Variants in PPP1CB observed in about 807,000 individuals in gnomAD.
PPP1CB encodes protein phosphatase 1 catalytic subunit beta, also known as serine/threonine-protein phosphatase PP1-beta catalytic subunit.
A neutral mutation model predicts 43.7 loss-of-function variants in PPP1CB; 2 were observed. The ratio of observed to expected loss-of-function variants is 0.05; its 90% CI spans 0.02 to 0.14. The LOEUF is 0.14. Among genes scored for constraint, PPP1CB ranks in the 10% least tolerant of loss-of-function variants. PPP1CB has a pLI of 1.00. For missense variants in PPP1CB, 84 were observed against 398.0 expected (o/e 0.21, Z 6.71); for synonymous variants, 136 against 135.6 (o/e 1.00, Z -0.02).
intron 1 of PPP1CB, among the ~76,000 whole-genome samples, chr2:28,761,077 T>G (rs531263829): frequency 6.6e-6 from 1 of 152,280 alleles, no homozygotes; most frequent in Admixed American, 6.5e-5. Context: ...ATTTTCTGTA[T>G]TTTTAGTAGT....
chr2:28,774,004 A>C lies in PPP1CB; in HGVS notation c.53-2847A>C, dbSNP rs190427980. ...GTTAAGGGAGAAATGTGCATCCTAC[A>C]GTTAGTGAAAATATAAAAAGTTTCT... On this transcript the variant is annotated intron_variant, in intron 1 of 7. Transcript: ENST00000395366. Among the ~76,000 whole-genome samples the C allele has an allele frequency of 4.6e-5, 7 of 152,314 alleles. No individual in the cohort carries two copies. The East Asian group carries it at 1.3e-3, about 29-fold the overall frequency.
intron 1 of PPP1CB, among the ~76,000 whole-genome samples, chr2:28,756,812 A>G (rs1188532377): frequency 1.3e-5 from 2 of 152,234 alleles, no homozygotes; most frequent in South Asian, 2.1e-4. Context: ...GAAGGTTAAA[A>G]AAAATGAATG....
Position 28,800,907 on chromosome 2 carries a change from G to T in PPP1CB, c.*1604G>T, listed in dbSNP as rs1285195138. On this transcript the variant is annotated 3_prime_UTR_variant, in exon 8 of 8. Transcript: ENST00000395366. ...GAATTGGCACATTGTATTACTTACT[G>T]CAAGAGATATTTCATTTTCAGCACA... The T allele has an allele frequency of 6.6e-6, 1 of 152,510 alleles. No individual in the cohort carries two copies. Among genetic ancestry groups the T allele is most frequent in the Non-Finnish European group, 1.5e-5 (1 of 67,970 alleles). The allele number at this position is 152,510 out of a possible 1,614,324, so 9.4% of individuals were successfully genotyped here.
chr2:28,801,916 C>CA lies in PPP1CB; in HGVS notation c.*2616dup, dbSNP rs945924941. On this transcript the variant is annotated 3_prime_UTR_variant, in exon 8 of 8. Transcript: ENST00000395366. Reference sequence around the variant, plus strand: ...GCATTGCTTTAATTTTGCCCAGGGACAAATTTTAATAATCAGCAAGACTGG... The same window carrying CA: ...GCATTGCTTTAATTTTGCCCAGGGACAAAATTTTAATAATCAGCAAGACTGG... 30 of 152,248 alleles carry CA rather than the reference C, an allele frequency of 2.0e-4. No homozygotes were observed. Among genetic ancestry groups the CA allele is most frequent in the African/African-American group, 7.0e-4 (29 of 41,568 alleles). The allele number at this position is 152,248 out of a possible 1,614,324, so 9.4% of individuals were successfully genotyped here.
intron 3 of PPP1CB, among the ~76,000 whole-genome samples, chr2:28,780,984 T>A (rs1667148777): frequency 6.6e-6 from 1 of 152,170 alleles, no homozygotes; most frequent in Non-Finnish European, 1.5e-5. Context: ...AATCAATGCA[T>A]TAGTGTTAAA....
rs761858209 is a variant in PPP1CB at position 28,781,988 on chromosome 2, CTT to C, written c.520+149_520+150del. On this transcript the variant is annotated intron_variant, in intron 4 of 7. Coordinates refer to ENST00000395366, the MANE Select transcript of PPP1CB (RefSeq NM_002709.3). ...AACTGTTTTAAACATGGCTAAACCT[CTT>C]TTAAAAATTAGAAATTTATTTATAA... 20 of 667,260 alleles carry C rather than the reference CTT, an allele frequency of 3.0e-5. No homozygotes were observed. The East Asian group carries it at 4.7e-4, about 16-fold the overall frequency. The allele number at this position is 667,260 out of a possible 1,614,324, so 41.3% of individuals were successfully genotyped here. A position where few individuals can be genotyped will look rare whatever the true frequency, so the allele number is the denominator to read the frequency against.
Position 28,757,606 on chromosome 2 carries a change from A to C in PPP1CB, c.52+5430A>C, listed in dbSNP as rs182593178. ...GTGGATGTGCAGCTAGACTTGTTAG[A>C]AAAAAGAGCATGTTGGGGAGTGGGG... On this transcript the variant is annotated intron_variant, in intron 1 of 7. Coordinates refer to ENST00000395366, the MANE Select transcript of PPP1CB (RefSeq NM_002709.3). Among the ~76,000 whole-genome samples, 234 of 152,282 alleles carry C rather than the reference A, an allele frequency of 1.5e-3. 1 individual carries two copies. Among genetic ancestry groups the C allele is most frequent in the Non-Finnish European group, 1.9e-3 (131 of 68,016 alleles).
rs751058560 is a variant in PPP1CB, at chr2:28,760,885, G to A, written c.52+8709G>A. ...ACTATCAAATACTTGAGCCAAACTA[G>A]CGAGACAAAAAGACCAGACCTTTTC... On this transcript the variant is annotated intron_variant, in intron 1 of 7. Transcript: ENST00000395366. 9.2e-5 allele frequency among the ~76,000 whole-genome samples: 14 copies of A among 152,124 alleles called. 1 individual carries two copies. The highest frequency in any genetic ancestry group is 1.9e-4 in the Non-Finnish European group (13 of 68,026).
intron 6 of PPP1CB, among the ~76,000 whole-genome samples, chr2:28,792,815 A>G (rs973016671): frequency 2.8e-4 from 42 of 152,250 alleles, no homozygotes; most frequent in Admixed American, 2.7e-3. Context: ...CCGTAAATAA[A>G]TATAAAATAT....
At chr2:28,777,088 C>A in intron 2 of PPP1CB, 106 bp downstream of exon 2, 1 of 1,181,720 alleles carries the variant, frequency 8.5e-7, no homozygotes, top group Non-Finnish European at 1.2e-6. Flanking sequence ...TAAAACAGAT[C>A]AGTAGGCTTT....
intron 1 of PPP1CB, among the ~76,000 whole-genome samples, chr2:28,765,654 C>T (rs1013799619): frequency 3.9e-5 from 6 of 152,206 alleles, no homozygotes; most frequent in East Asian, 1.9e-4. Context: ...TGGTGGCTCG[C>T]GCCTTTAATC....
chr2:28,778,792 ACTCTTT>A lies in PPP1CB; in HGVS notation c.185-10_185-5del. 1 of 1,513,768 alleles carries A rather than the reference ACTCTTT, an allele frequency of 6.6e-7. No individual in the cohort carries two copies. 93.8% of individuals were successfully genotyped at this position (1,513,768 alleles called of 1,614,324 possible). A position where few individuals can be genotyped will look rare whatever the true frequency, so the allele number is the denominator to read the frequency against. On this transcript the variant is annotated splice_polypyrimidine_tract_variant and intron_variant, in intron 2 of 7. Transcript: ENST00000395366. The stretch of plus-strand genomic sequence containing the variant: ...ACAGTAACCAATTTTTCTAAAACTG[ACTCTTT>A]CTCTTTTTAGGAGATATTCATGGAC...
chr2:28,779,151 G>A, intron 3 of PPP1CB, 112 bp downstream of exon 3: 1 of 762,474 alleles, frequency 1.3e-6, no homozygotes, highest in Non-Finnish European at 2.0e-6. Context: ...GATCTGTCAG[G>A]CATAGGCCAG....
intron 1 of PPP1CB, among the ~76,000 whole-genome samples, chr2:28,769,708 A>G (rs1472396192): frequency 6.6e-6 from 1 of 152,230 alleles, no homozygotes. Context: ...GTGGAAACAA[A>G]AATACGACAA....
intron 1 of PPP1CB, among the ~76,000 whole-genome samples, chr2:28,758,527 A>G (rs1291517870): frequency 6.6e-6 from 1 of 152,228 alleles, no homozygotes; most frequent in Non-Finnish European, 1.5e-5. Flanking sequence ...TGATACCCTT[A>G]GGCAGCAGCC....
chr2:28,757,449 C>G (rs568039623), intron 1 of PPP1CB, among the ~76,000 whole-genome samples: 1 of 152,250 alleles, frequency 6.6e-6, no homozygotes, highest in South Asian at 2.1e-4. Context: ...TTTTGATGAG[C>G]TGCCAGGTTG....
chr2:28,783,213 C>G (rs1215368712), intron 4 of PPP1CB, among the ~76,000 whole-genome samples: 1 of 152,090 alleles, frequency 6.6e-6, no homozygotes, highest in East Asian at 1.9e-4. Context: ...GAGGCACTTT[C>G]ACTTAGAAGT....
intron 1 of PPP1CB, among the ~76,000 whole-genome samples, chr2:28,767,474 G>T (rs1666804637): frequency 1.3e-5 from 2 of 151,572 alleles, no homozygotes; most frequent in South Asian, 4.2e-4. Flanking sequence ...CACTTTTTTT[G>T]CTTTGACATG....
At chr2:28,776,724 G>T (rs1667052207) in intron 1 of PPP1CB, 127 bp from the exon 2 acceptor site, 1 of 724,614 alleles carries the variant, frequency 1.4e-6, no homozygotes, top group East Asian at 2.7e-5. Context: ...TTTAAACCAT[G>T]GGACCAAATA....
Sources: allele counts gnomAD v4.1 joint callset (sites outside exome capture counted in the v4.1 genomes callset), GRCh38; gene constraint gnomAD v4.1.1; transcripts MANE v1.5; gene names NCBI Gene and HGNC (gene_info 2026-07-23, HGNC 2026-07-21).